The following SDK2 variants were observed in gnomAD, a reference collection of about 807,000 sequenced individuals.
SDK2 encodes the protein protein sidekick-2.
A neutral mutation model predicts 253.9 loss-of-function variants in SDK2; 105 were observed. That is an observed-to-expected ratio of 0.41 (90% CI 0.35 to 0.49). The LOEUF is 0.49. SDK2 is among the 20% of genes least tolerant of loss of function. The pLI is 0.06. For missense variants in SDK2, 2,608 were observed against 3,003.0 expected (o/e 0.87, Z 3.07); for synonymous variants, 1,249 against 1,234.9 (o/e 1.01, Z -0.24).
chr17:73,608,192 C>T (rs1007850369), intron 1 of SDK2, among the ~76,000 whole-genome samples: 3 of 152,040 alleles, frequency 2.0e-5, no homozygotes, highest in Non-Finnish European at 4.4e-5. Flanking sequence ...TGGACGACCT[C>T]AACAGTTTTG....
chr17:73,403,337 G>A (rs1356680554), intron 18 of SDK2, among the ~76,000 whole-genome samples: 1 of 152,152 alleles, frequency 6.6e-6, no homozygotes, highest in African/African-American at 2.4e-5. Flanking sequence ...TAAATATCAA[G>A]TAGAGGCGGG....
At chr17:73,604,950 C>T (rs564002123) in intron 1 of SDK2, among the ~76,000 whole-genome samples, 19 of 152,156 alleles carry the variant, frequency 1.2e-4, no homozygotes, top group Non-Finnish European at 1.6e-4. Flanking sequence ...GGAGAGGAAG[C>T]CCCCAGTGGT....
In SDK2 at chr17:73,422,280, C is replaced by A; in HGVS notation, c.2045+7G>T. 1 of 1,613,660 alleles carries A rather than the reference C, an allele frequency of 6.2e-7. No homozygotes were observed. Among genetic ancestry groups the A allele is most frequent in the East Asian group, 2.2e-5 (1 of 44,866 alleles). ...GCGACGCCCCTGTAGAGCGCCAGTG[C>A]CCTCACCTCTCGGTGTCTTTGCTGA... is the stretch of plus-strand genomic sequence containing the variant. On this transcript the variant is annotated splice_region_variant and intron_variant, in intron 15 of 44. Coordinates refer to ENST00000392650, the MANE Select transcript of SDK2 (RefSeq NM_001144952.2).
intron 1 of SDK2, among the ~76,000 whole-genome samples, chr17:73,558,023 AC>A (rs1165569675): frequency 6.6e-6 from 1 of 152,080 alleles, no homozygotes; most frequent in African/African-American, 2.4e-5. Context: ...GACCCTCCTC[AC>A]CCTGTTGCTC....
intron 12 of SDK2, among the ~76,000 whole-genome samples, chr17:73,425,419 C>A (rs976411218): frequency 2.0e-5 from 3 of 152,238 alleles, no homozygotes; most frequent in African/African-American, 7.2e-5. Flanking sequence ...CAGTGCACTG[C>A]AGCACTGCTG....
At position 73,541,474 on chromosome 17, in the gene SDK2, A is replaced by T. The variant is rs2044867836; in HGVS notation, c.65-33877T>A. On this transcript the variant is annotated intron_variant, in intron 1 of 44. Coordinates refer to ENST00000392650, the MANE Select transcript of SDK2 (RefSeq NM_001144952.2). The surrounding 1 kb of genome is among the most constrained non-coding windows in gnomAD (Gnocchi z 4.3). ...ATCCCCTCTCAACATCCTCACCTCT[A>T]TCTTAGCAGGGCAATACCGCACCAC... Among the ~76,000 whole-genome samples the T allele has an allele frequency of 6.6e-6, 1 of 151,658 alleles. No homozygotes were observed. Among genetic ancestry groups the T allele is most frequent in the Non-Finnish European group, 1.5e-5 (1 of 67,900 alleles).
intron 13 of SDK2, 97 bp downstream of exon 13, chr17:73,423,819 G>A (rs112527393): frequency 3.1e-6 from 3 of 982,156 alleles, no homozygotes; most frequent in South Asian, 1.6e-5. Context: ...GTCACACGTG[G>A]CCTGGGGATC....
intron 2 of SDK2, among the ~76,000 whole-genome samples, chr17:73,506,439 A>G (rs1183085910): frequency 6.6e-6 from 1 of 152,096 alleles, no homozygotes; most frequent in African/African-American, 2.4e-5. Flanking sequence ...CATGCAGTCC[A>G]GGGTTAAGGC....
intron 29 of SDK2, 76 bp from the exon 30 acceptor site, chr17:73,388,113 G>T (rs2062890158): frequency 2.0e-6 from 2 of 1,025,230 alleles, no homozygotes; most frequent in Admixed American, 2.1e-5. Context: ...TCTCGAGGGA[G>T]GAAAGGAGGT....
intron 43 of SDK2, 54 bp downstream of exon 43, chr17:73,350,183 C>G: frequency 6.5e-7 from 1 of 1,538,070 alleles, no homozygotes. Flanking sequence ...CCAGCATTCT[C>G]CCCACCTGGG....
At chr17:73,532,048 G>T (rs28484278) in intron 1 of SDK2, among the ~76,000 whole-genome samples, 1,641 of 150,354 alleles carry the variant, frequency 0.011, 22 homozygotes, top group African/African-American at 0.037. Context: ...TGTTCTCAAG[G>T]GGGGGTCATT....
At chr17:73,545,791 A>G (rs1450383599) in intron 1 of SDK2, among the ~76,000 whole-genome samples, 1 of 152,190 alleles carries the variant, frequency 6.6e-6, no homozygotes, top group East Asian at 1.9e-4. Context: ...CTGTCTGTCC[A>G]GGACTGGTTC....
In SDK2 at chr17:73,390,375, C is replaced by T. The variant is rs374471476; in HGVS notation, c.4104G>A (p.Glu1368=). 42 of 1,612,766 alleles carry T rather than the reference C, an allele frequency of 2.6e-5. No individual in the cohort carries two copies. Among genetic ancestry groups the T allele is most frequent in the Non-Finnish European group, 3.5e-5 (41 of 1,179,790 alleles). ...RQYTATGLKP[E]SVYLFRITAQ... is the part of the protein sequence containing the mutation. ...CCGTGATGCGGAACAGGTAGACAGA[C>T]TCTGGCTTGAGGCCCGTGGCTGTGT... Residue 1368 remains glutamate, a synonymous_variant, in exon 29 of 45, where the codon GAG becomes GAA. Transcript: ENST00000392650.
chr17:73,370,150 C>T (rs145489711), intron 36 of SDK2, among the ~76,000 whole-genome samples: 1 of 152,322 alleles, frequency 6.6e-6, no homozygotes, highest in East Asian at 1.9e-4. Context: ...TGAGAAAGAG[C>T]TAATAAAAGT....
chr17:73,545,099 G>GCGCACACACACACACACACACACACACA (rs147498499), intron 1 of SDK2, among the ~76,000 whole-genome samples: 12 of 145,716 alleles, frequency 8.2e-5, no homozygotes, highest in African/African-American at 3.1e-4. Context: ...GCACGTGCAC[G>GCGCACACACACACACACACACACACACA]CACACACACA....
intron 37 of SDK2, among the ~76,000 whole-genome samples, chr17:73,366,114 T>C (rs2062682823): frequency 6.6e-6 from 1 of 152,064 alleles, no homozygotes; most frequent in South Asian, 2.1e-4. Context: ...CGGCGCTGCC[T>C]CCCCACCACG....
chr17:73,533,481 C>A lies in SDK2; in HGVS notation c.65-25884G>T, dbSNP rs572576901. 2.3e-4 allele frequency among the ~76,000 whole-genome samples: 35 copies of A among 152,344 alleles called. No individual in the cohort carries two copies. In the Middle Eastern group the frequency reaches 0.017, roughly 74 times the overall value. ...CAAACAGTCTGGGACACCCCACGTC[C>A]CTGGACACAGGCCCTGAGGCCCTCT... On this transcript the variant is annotated intron_variant, in intron 1 of 44. Coordinates refer to ENST00000392650, the MANE Select transcript of SDK2 (RefSeq NM_001144952.2).
chr17:73,416,198 A>ATTT, intron 16 of SDK2, among the ~76,000 whole-genome samples: 1 of 11,368 alleles, frequency 8.8e-5, no homozygotes, highest in Non-Finnish European at 2.0e-4. Flanking sequence ...AAATGAATTC[A>ATTT]ATTTTTTTTT....
At chr17:73,425,010 A>G (rs1202997163) in intron 12 of SDK2, among the ~76,000 whole-genome samples, 2 of 152,242 alleles carry the variant, frequency 1.3e-5, no homozygotes, top group Non-Finnish European at 2.9e-5. Context: ...ACCTGAGGTC[A>G]GGAGTTTGAG....
Sources: gnomAD v4.1 joint callset for allele counts (sites outside exome capture counted in the v4.1 genomes callset) on GRCh38, gnomAD v4.1.1 for gene constraint, Gnocchi (gnomAD v3.1) non-coding constraint, MANE v1.5 for transcripts, NCBI Gene and HGNC (gene_info 2026-07-23, HGNC 2026-07-21) for gene names.